The following GAB1 variants were observed in gnomAD, a reference collection of about 807,000 sequenced individuals.
GAB1 encodes the protein GRB2 associated binding protein 1.
A neutral mutation model predicts 66.5 loss-of-function variants in GAB1; 19 were observed. The observed-to-expected ratio is 0.29, with a 90% CI of 0.20 to 0.42. The LOEUF is 0.42. Ranked by LOEUF, GAB1 falls within the 10% of genes least tolerant of loss-of-function variation. The probability of loss-of-function intolerance (pLI) is 1.00; values close to 1 mark genes in which losing one functional copy is unlikely to be tolerated. For synonymous variants in GAB1, 294 were observed against 301.4 expected, an observed-to-expected ratio of 0.98 and a Z score of 0.25; for missense variants, 732 against 858.5, an observed-to-expected ratio of 0.85 and a Z score of 1.84.
At chr4:143,407,251 T>G (rs2149707442) in intron 1 of GAB1, among the ~76,000 whole-genome samples, 1 of 151,058 alleles carries the variant, frequency 6.6e-6, no homozygotes, top group African/African-American at 2.4e-5. Context: ...TACTAAGGGG[T>G]TTTTGTCATT....
intron 1 of GAB1, among the ~76,000 whole-genome samples, chr4:143,352,804 C>T (rs192062905): frequency 3.0e-4 from 46 of 152,264 alleles, no homozygotes; most frequent in African/African-American, 1.1e-3. Context: ...AGAACCAAAA[C>T]TGAGAGAGTA....
chr4:143,459,411 C>A lies in GAB1; in HGVS notation c.1612C>A (p.Pro538Thr), dbSNP rs1198158304. The change falls in exon 7 of 10, where the codon CCT (proline) becomes ACT (threonine). Residue 538 changes from proline to threonine, a missense_variant. Around this residue, in one of 4 missense-constraint regions of GAB1, gnomAD observed 204 missense variants for 276.8 expected, o/e 0.74. Transcript: ENST00000262994. ...KVKPAPLEIK[P>T]LPEWEELQAP... ...CAAGCCAGCGCCTTTAGAAATAAAA[C>A]CTTTGCCAGAATGGGAAGAATTACA... The A allele has an allele frequency of 6.2e-7, 1 of 1,610,086 alleles. No individual in the cohort carries two copies. The highest frequency in any genetic ancestry group is 8.5e-7 in the Non-Finnish European group (1 of 1,176,462).
At chr4:143,410,959 G>T (rs1287419901) in intron 1 of GAB1, among the ~76,000 whole-genome samples, 2 of 152,234 alleles carry the variant, frequency 1.3e-5, no homozygotes, top group Non-Finnish European at 1.5e-5. Flanking sequence ...TAGGAAAAAG[G>T]TGGAAATGGA....
At chr4:143,401,329 T>C (rs150837378) in intron 1 of GAB1, among the ~76,000 whole-genome samples, 106 of 152,314 alleles carry the variant, frequency 7.0e-4, no homozygotes, top group African/African-American at 2.2e-3. Context: ...CACTGTGAGA[T>C]TGCAATTGTT....
At chr4:143,389,847 G>A (rs1332421048) in intron 1 of GAB1, among the ~76,000 whole-genome samples, 1 of 152,158 alleles carries the variant, frequency 6.6e-6, no homozygotes, top group African/African-American at 2.4e-5. Flanking sequence ...TTTTAAAGAT[G>A]TAAAGACAAA....
intron 1 of GAB1, chr4:143,376,877 A>G (rs182428447): frequency 7.9e-5 from 12 of 152,340 alleles, no homozygotes; most frequent in African/African-American, 2.9e-4. Flanking sequence ...AAATTAGGCA[A>G]TTCAGAGTTT....
At chr4:143,389,401 A>G (rs1039761507) in intron 1 of GAB1, among the ~76,000 whole-genome samples, 3 of 152,190 alleles carry the variant, frequency 2.0e-5, no homozygotes, top group Admixed American at 6.5e-5. Flanking sequence ...GAAAAATTGA[A>G]AGGATTGGTA....
intron 6 of GAB1, chr4:143,457,831 G>GT (rs879135011): frequency 2.6e-4 from 237 of 900,408 alleles, no homozygotes; most frequent in South Asian, 1.1e-3. Flanking sequence ...AATGTTTTTT[G>GT]TTTTTTTTCT....
In GAB1 at chr4:143,468,934, A is replaced by G. The variant is rs1165322158; in HGVS notation, c.1927-97A>G. ...GCAAAACTCCTTCTCAAAAAAAAAA[A>G]GTATTCACAGTGGATGTGTTTTGTG... On this transcript the variant is annotated intron_variant, in intron 9 of 9. Coordinates refer to ENST00000262994, the MANE Select transcript of GAB1 (RefSeq NM_002039.4). 8 of 1,280,142 alleles carry G rather than the reference A, an allele frequency of 6.2e-6. No individual in the cohort carries two copies. In the East Asian group the frequency reaches 1.2e-4, roughly 19 times the overall value. The allele number at this position is 1,280,142 out of a possible 1,614,324, so 79.3% of individuals were successfully genotyped here.
In GAB1 at chr4:143,465,956, T is replaced by C. The variant is rs544636447; in HGVS notation, c.1804-147T>C. The C allele has an allele frequency of 3.2e-5, 25 of 771,898 alleles. No individual in the cohort carries two copies. The African/African-American group carries it at 3.7e-4, about 11-fold the overall frequency. 47.8% of individuals were successfully genotyped at this position (771,898 alleles called of 1,614,324 possible). A position where few individuals can be genotyped will look rare whatever the true frequency, so the allele number is the denominator to read the frequency against. ...TTTAATCAGTTTTTTAAATATTACT[T>C]ATTTTCTTTCTATCCTAAAAGGTTG... On this transcript the variant is annotated intron_variant, in intron 8 of 9. Transcript: ENST00000262994.
At chr4:143,466,480 C>CTT (rs776557170) in intron 9 of GAB1, among the ~76,000 whole-genome samples, 56 of 67,278 alleles carry the variant, frequency 8.3e-4, no homozygotes, top group Non-Finnish European at 1.2e-3. Flanking sequence ...TTAACAAATT[C>CTT]TTTTTTTTTT....
intron 5 of GAB1, 36 bp downstream of exon 5, chr4:143,439,923 T>C (rs1185303734): frequency 6.6e-7 from 1 of 1,524,246 alleles, no homozygotes; most frequent in Admixed American, 1.7e-5. Flanking sequence ...TCAAGTGTAT[T>C]TCATTGTCTA....
chr4:143,461,199 T>C (rs1165832657), intron 8 of GAB1, among the ~76,000 whole-genome samples: 1 of 152,238 alleles, frequency 6.6e-6, no homozygotes, highest in Non-Finnish European at 1.5e-5. Context: ...AAGTCAGATT[T>C]AATGTTTGCT....
chr4:143,444,562 T>C (rs1734408374), intron 6 of GAB1, among the ~76,000 whole-genome samples: 1 of 152,218 alleles, frequency 6.6e-6, no homozygotes, highest in Non-Finnish European at 1.5e-5. Flanking sequence ...TTAAAGTTTC[T>C]GAATGTGATT....
chr4:143,418,470 T>C (rs1462274040), intron 2 of GAB1, among the ~76,000 whole-genome samples: 1 of 152,260 alleles, frequency 6.6e-6, no homozygotes, highest in African/African-American at 2.4e-5. Flanking sequence ...ATGATAATTA[T>C]TGGATTTAGA....
chr4:143,445,826 G>A (rs1268686872), intron 6 of GAB1, among the ~76,000 whole-genome samples: 1 of 151,952 alleles, frequency 6.6e-6, no homozygotes, highest in Non-Finnish European at 1.5e-5. Context: ...AAGTTTTAGG[G>A]TACATGTGCA....
intron 1 of GAB1, among the ~76,000 whole-genome samples, chr4:143,406,119 G>A (rs1038629285): frequency 6.6e-6 from 1 of 152,146 alleles, no homozygotes; most frequent in African/African-American, 2.4e-5. Flanking sequence ...GACTTGCAGA[G>A]CTAAAACGAG....
chr4:143,387,396 A>T (rs891662662), intron 1 of GAB1, among the ~76,000 whole-genome samples: 1 of 152,160 alleles, frequency 6.6e-6, no homozygotes, highest in Non-Finnish European at 1.5e-5. Context: ...CTCCCAAAGC[A>T]CTGGGATAAC....
intron 3 of GAB1, among the ~76,000 whole-genome samples, chr4:143,435,044 GT>G (rs903280177): frequency 6.6e-6 from 1 of 151,856 alleles, no homozygotes; most frequent in Admixed American, 6.6e-5. Flanking sequence ...CATGAAAAAT[GT>G]TTTTTTAAAC....
Sources: allele counts gnomAD v4.1 joint callset (sites outside exome capture counted in the v4.1 genomes callset), GRCh38; gene constraint gnomAD v4.1.1; regional missense constraint gnomAD v4.1.1; transcripts MANE v1.5; gene names NCBI Gene and HGNC (gene_info 2026-07-23, HGNC 2026-07-21).